Variants in GPC5 observed in about 807,000 individuals in gnomAD.
GPC5 encodes glypican-5.
A neutral mutation model predicts 53.9 loss-of-function variants in GPC5; 47 were observed. That is an observed-to-expected ratio of 0.87 (90% CI 0.69 to 1.11). The LOEUF (loss-of-function observed/expected upper bound fraction) is 1.11, where lower values mean the gene tolerates loss of function less well. Among genes scored for constraint, GPC5 ranks in the 50% most tolerant of loss-of-function variants. The pLI is 0.00. For synonymous variants in GPC5, 286 were observed against 263.3 expected (o/e 1.09, Z -0.84); for missense variants, 748 against 713.1 (o/e 1.05, Z -0.56).
At chr13:91,889,547 C>T (rs1256091811) in intron 5 of GPC5, among the ~76,000 whole-genome samples, 1 of 151,914 alleles carries the variant, frequency 6.6e-6, no homozygotes, top group African/African-American at 2.4e-5. Flanking sequence ...GCCAAATCAG[C>T]ATTAAAATGA....
At chr13:92,856,575 C>T (rs1879006752) in intron 7 of GPC5, among the ~76,000 whole-genome samples, 1 of 151,828 alleles carries the variant, frequency 6.6e-6, no homozygotes, top group African/African-American at 2.4e-5. Context: ...CAATTCTATG[C>T]CTAAAAAATT....
chr13:92,128,379 T>G (rs2041716916), intron 6 of GPC5, among the ~76,000 whole-genome samples: 1 of 152,224 alleles, frequency 6.6e-6, no homozygotes, highest in African/African-American at 2.4e-5. Context: ...TTTACACATT[T>G]GAGTTACCTT....
At chr13:91,877,875 A>C (rs1034996791) in intron 5 of GPC5, among the ~76,000 whole-genome samples, 4 of 152,080 alleles carry the variant, frequency 2.6e-5, no homozygotes, top group South Asian at 2.1e-4. Context: ...GGACCCAGGG[A>C]AAGGTAATTG....
At chr13:92,448,676 T>C (rs1347192774) in intron 7 of GPC5, 2 of 151,978 alleles carry the variant, frequency 1.3e-5, no homozygotes, top group African/African-American at 2.4e-5. Flanking sequence ...ATCAGTAAAA[T>C]GAGCCTCAGG....
intron 2 of GPC5, among the ~76,000 whole-genome samples, chr13:91,483,196 G>T (rs1442543315): frequency 6.6e-6 from 1 of 152,122 alleles, no homozygotes; most frequent in African/African-American, 2.4e-5. Context: ...TCATAGTAGA[G>T]CCTGGTAAAG....
intron 6 of GPC5, among the ~76,000 whole-genome samples, chr13:92,055,239 G>A (rs1340386822): frequency 6.6e-6 from 1 of 152,156 alleles, no homozygotes; most frequent in African/African-American, 2.4e-5. Context: ...GAGGCTGTTT[G>A]TCAGACTCTA....
intron 7 of GPC5, among the ~76,000 whole-genome samples, chr13:92,815,400 G>T (rs967371477): frequency 6.6e-6 from 1 of 151,914 alleles, no homozygotes; most frequent in Non-Finnish European, 1.5e-5. Context: ...AAAATCCTGA[G>T]GCAAGAAAGT....
At position 92,581,708 on chromosome 13, in the gene GPC5, A is replaced by G. The variant is rs189020288; in HGVS notation, c.1562-284574A>G. ...CAGTTAAAAAGTTTCCCCTTTCTTC[A>G]CATCCTCACCAATACTTGTTGTCAT... On this transcript the variant is annotated intron_variant, in intron 7 of 7. Transcript: ENST00000377067. Among the ~76,000 whole-genome samples the G allele has an allele frequency of 1.3e-3, 193 of 152,190 alleles. 1 individual carries two copies. Among genetic ancestry groups the G allele is most frequent in the African/African-American group, 4.3e-3 (180 of 41,546 alleles).
rs145849947 is a variant in GPC5, at chr13:91,753,486, C to A, written c.1155-2809C>A. On this transcript the variant is annotated intron_variant, in intron 4 of 7. Coordinates refer to ENST00000377067, the MANE Select transcript of GPC5 (RefSeq NM_004466.6). ...TTTCACTTGTTTTTCTGTTCACTGA[C>A]AGGCTCCTTCTCACATCCTCAGGGT... 4.9e-3 allele frequency among the ~76,000 whole-genome samples: 752 copies of A among 152,288 alleles called. 23 individuals carry two copies. The highest frequency in any genetic ancestry group is 2.3e-3 in the Non-Finnish European group (156 of 68,026).
At chr13:92,420,221 T>C (rs1435460496) in intron 7 of GPC5, among the ~76,000 whole-genome samples, 1 of 152,190 alleles carries the variant, frequency 6.6e-6, no homozygotes. Flanking sequence ...TAGCACAAAA[T>C]TATTTTTGAT....
At chr13:92,664,313 T>C (rs1157701257) in intron 7 of GPC5, among the ~76,000 whole-genome samples, 1 of 151,722 alleles carries the variant, frequency 6.6e-6, no homozygotes, top group Non-Finnish European at 1.5e-5. Context: ...GTGGTAATAT[T>C]CTAGGCTTTG....
chr13:91,923,387 T>G (rs1027984169), intron 6 of GPC5, among the ~76,000 whole-genome samples: 12 of 152,192 alleles, frequency 7.9e-5, no homozygotes, highest in Non-Finnish European at 1.6e-4. Context: ...CCCCTATAGT[T>G]TTGAAGCAGT....
At chr13:92,757,761 G>A (rs1476231496) in intron 7 of GPC5, among the ~76,000 whole-genome samples, 1 of 152,162 alleles carries the variant, frequency 6.6e-6, no homozygotes, top group South Asian at 2.1e-4. Context: ...TCAGAGAAAC[G>A]CAAATTAAAA....
At chr13:92,494,385 G>A (rs1347253062) in intron 7 of GPC5, among the ~76,000 whole-genome samples, 1 of 152,148 alleles carries the variant, frequency 6.6e-6, no homozygotes, top group Admixed American at 6.5e-5. Context: ...CACCGCGCCT[G>A]GCCAAGAATT....
At chr13:92,328,774 C>G (rs548206896) in intron 7 of GPC5, among the ~76,000 whole-genome samples, 4 of 152,240 alleles carry the variant, frequency 2.6e-5, no homozygotes, top group African/African-American at 9.6e-5. Flanking sequence ...GCACCTGTAC[C>G]TATTTCAAAT....
intron 4 of GPC5, among the ~76,000 whole-genome samples, chr13:91,740,695 C>T (rs991013415): frequency 6.6e-6 from 1 of 152,136 alleles, no homozygotes; most frequent in African/African-American, 2.4e-5. Context: ...AAACAGCCAG[C>T]AAAGCATCAC....
At chr13:92,745,844 C>A (rs1889227743) in intron 7 of GPC5, among the ~76,000 whole-genome samples, 2 of 152,156 alleles carry the variant, frequency 1.3e-5, no homozygotes, top group South Asian at 2.1e-4. Context: ...TCAAGTTAAA[C>A]ATAAAATTCA....
At chr13:92,613,443 T>TATA (rs61457687) in intron 7 of GPC5, among the ~76,000 whole-genome samples, 1 of 92,646 alleles carries the variant, frequency 1.1e-5, no homozygotes, top group Non-Finnish European at 1.9e-5. Flanking sequence ...TATATAAATA[T>TATA]ATATATTTAT....
chr13:92,477,801 T>C (rs1369629192), intron 7 of GPC5, among the ~76,000 whole-genome samples: 1 of 152,032 alleles, frequency 6.6e-6, no homozygotes, highest in African/African-American at 2.4e-5. Flanking sequence ...ACTGTAGCGG[T>C]GTGTTGTTAT....
Sources: gnomAD v4.1 joint callset for allele counts (sites outside exome capture counted in the v4.1 genomes callset) on GRCh38, gnomAD v4.1.1 for gene constraint, MANE v1.5 for transcripts, NCBI Gene and HGNC (gene_info 2026-07-23, HGNC 2026-07-21) for gene names.